The following ZBTB20 variants were observed in gnomAD, a reference collection of about 807,000 sequenced individuals.
The protein encoded by ZBTB20 is zinc finger and BTB domain containing 20, also known as zinc finger and BTB domain-containing protein 20.
A neutral mutation model predicts 56.9 loss-of-function variants in ZBTB20; 9 were observed. The observed-to-expected ratio is 0.16, with a 90% CI of 0.10 to 0.28. ZBTB20 has a LOEUF of 0.28. Ranked by LOEUF, ZBTB20 falls within the 10% of genes least tolerant of loss-of-function variation. The pLI is 1.00. For missense variants in ZBTB20, 655 were observed against 1,003.0 expected (o/e 0.65, Z 4.69); for synonymous variants, 417 against 420.7 (o/e 0.99, Z 0.11).
intron 5 of ZBTB20, among the ~76,000 whole-genome samples, chr3:114,699,655 A>G (rs1334139921): frequency 6.6e-6 from 1 of 152,114 alleles, no homozygotes; most frequent in Non-Finnish European, 1.5e-5. Flanking sequence ...GAGCATGTAG[A>G]TATTAGTCAA....
intron 2 of ZBTB20, among the ~76,000 whole-genome samples, chr3:115,045,577 A>C (rs902344751): frequency 6.6e-6 from 1 of 152,070 alleles, no homozygotes; most frequent in Non-Finnish European, 1.5e-5. Context: ...AAAAAAGGCA[A>C]ACAACTAAAA....
At chr3:114,409,273 A>G (rs1576631039) in intron 7 of ZBTB20, among the ~76,000 whole-genome samples, 1 of 152,070 alleles carries the variant, frequency 6.6e-6, no homozygotes, top group Middle Eastern at 3.4e-3. Flanking sequence ...AAACACTGTC[A>G]TCAATCAGAA....
At chr3:114,878,805 C>T (rs574694938) in intron 4 of ZBTB20, among the ~76,000 whole-genome samples, 3 of 152,052 alleles carry the variant, frequency 2.0e-5, no homozygotes, top group Non-Finnish European at 2.9e-5. Context: ...AATAAAGCTG[C>T]GGTCACAACC....
intron 6 of ZBTB20, chr3:114,688,231 A>AAAC (rs1309182834): frequency 1.3e-5 from 2 of 152,288 alleles, no homozygotes; most frequent in Non-Finnish European, 2.9e-5. Context: ...CTCCATCTCA[A>AAAC]AACAACAACA....
chr3:114,783,338 T>A (rs1310331855), intron 5 of ZBTB20, among the ~76,000 whole-genome samples: 1 of 152,214 alleles, frequency 6.6e-6, no homozygotes, highest in Non-Finnish European at 1.5e-5. Context: ...CAGAGTAGAC[T>A]GCCACATCTG....
At chr3:114,412,550 T>G (rs548130595) in intron 7 of ZBTB20, among the ~76,000 whole-genome samples, 1 of 152,260 alleles carries the variant, frequency 6.6e-6, no homozygotes, top group East Asian at 1.9e-4. Context: ...AACTCCACAG[T>G]AGGTTGCCAC....
intron 2 of ZBTB20, among the ~76,000 whole-genome samples, chr3:114,992,856 C>T (rs966562419): frequency 6.6e-6 from 1 of 151,750 alleles, no homozygotes; most frequent in African/African-American, 2.4e-5. Flanking sequence ...ATCAGCATTG[C>T]ATTATTTGGG....
intron 6 of ZBTB20, among the ~76,000 whole-genome samples, chr3:114,534,454 A>G (rs2048232848): frequency 1.3e-5 from 2 of 152,192 alleles, no homozygotes; most frequent in Admixed American, 1.3e-4. Flanking sequence ...CTAAATATAC[A>G]TGCACCTAAT....
At chr3:114,938,982 C>G (rs1258985360) in intron 3 of ZBTB20, among the ~76,000 whole-genome samples, 1 of 144,902 alleles carries the variant, frequency 6.9e-6, no homozygotes, top group Non-Finnish European at 1.5e-5. Flanking sequence ...TAGTATTGGG[C>G]AGAAATGTCC....
At chr3:114,758,025 T>C (rs1015353399) in intron 5 of ZBTB20, among the ~76,000 whole-genome samples, 2 of 152,134 alleles carry the variant, frequency 1.3e-5, no homozygotes, top group African/African-American at 4.8e-5. Context: ...TTCATAGTTA[T>C]TAAAAGCCAA....
chr3:114,579,078 T>C (rs2054382683), intron 6 of ZBTB20, among the ~76,000 whole-genome samples: 1 of 151,774 alleles, frequency 6.6e-6, no homozygotes, highest in Admixed American at 6.6e-5. Flanking sequence ...CGATTTTATA[T>C]TTTCTTAGAA....
At chr3:114,920,648 T>C (rs1404329189) in intron 3 of ZBTB20, among the ~76,000 whole-genome samples, 4 of 151,480 alleles carry the variant, frequency 2.6e-5, no homozygotes, top group Admixed American at 6.6e-5. Context: ...CCTACATTAA[T>C]AAAAGAAGAA....
At chr3:114,377,954 G>A (rs1428730827) in intron 10 of ZBTB20, among the ~76,000 whole-genome samples, 1 of 152,180 alleles carries the variant, frequency 6.6e-6, no homozygotes, top group Non-Finnish European at 1.5e-5. Flanking sequence ...CTGGTGGAAT[G>A]TTTCTGAAGT....
intron 5 of ZBTB20, among the ~76,000 whole-genome samples, chr3:114,717,042 T>C (rs1251741000): frequency 6.6e-6 from 1 of 152,118 alleles, no homozygotes; most frequent in African/African-American, 2.4e-5. Context: ...TCTACTTAGA[T>C]TCTGAAAACT....
chr3:114,411,530 T>C (rs2087946682), intron 7 of ZBTB20, among the ~76,000 whole-genome samples: 1 of 152,146 alleles, frequency 6.6e-6, no homozygotes, highest in Non-Finnish European at 1.5e-5. Flanking sequence ...ATTAACATGT[T>C]TATTTGAATT....
At chr3:114,803,505 G>C (rs559551439) in intron 4 of ZBTB20, among the ~76,000 whole-genome samples, 1 of 151,684 alleles carries the variant, frequency 6.6e-6, no homozygotes, top group Admixed American at 6.6e-5. Flanking sequence ...AAATATAGTC[G>C]CCAACTCACT....
intron 4 of ZBTB20, among the ~76,000 whole-genome samples, chr3:114,841,723 G>A (rs113923564): frequency 3.8e-4 from 58 of 152,276 alleles, no homozygotes; most frequent in African/African-American, 1.4e-3. Flanking sequence ...GGTGAGTTTA[G>A]AACATGTTGA....
intron 5 of ZBTB20, among the ~76,000 whole-genome samples, chr3:114,697,493 C>G (rs1167500677): frequency 6.6e-6 from 1 of 151,284 alleles, no homozygotes; most frequent in Non-Finnish European, 1.5e-5. Flanking sequence ...TTTAAACAGT[C>G]TGAGAAAAGG....
chr3:114,668,721 C>G (rs1439365720), intron 6 of ZBTB20, among the ~76,000 whole-genome samples: 2 of 152,004 alleles, frequency 1.3e-5, no homozygotes, highest in Non-Finnish European at 2.9e-5. Context: ...CCAGCTTAGT[C>G]TGCCTTTCAG....
Sources: gnomAD v4.1 joint callset for allele counts (sites outside exome capture counted in the v4.1 genomes callset) on GRCh38, gnomAD v4.1.1 for gene constraint, MANE v1.5 for transcripts, NCBI Gene and HGNC (gene_info 2026-07-23, HGNC 2026-07-21) for gene names.